RPP40: variants seen among roughly 807,000 people sequenced by gnomAD.
RPP40 encodes the protein ribonuclease P protein subunit p40.
A neutral mutation model predicts 42.5 loss-of-function variants in RPP40; 30 were observed. That is an observed-to-expected ratio of 0.71 (90% CI 0.53 to 0.96). RPP40 has a LOEUF of 0.96. Among genes scored for constraint, RPP40 ranks in the 40% least tolerant of loss-of-function variants. The probability of loss-of-function intolerance (pLI) is 0.00; values close to 1 mark genes in which losing one functional copy is unlikely to be tolerated. For synonymous variants in RPP40, 173 were observed against 164.0 expected (o/e 1.05, Z -0.42); for missense variants, 426 against 433.5 (o/e 0.98, Z 0.15).
chr6:5,002,577 C>A, intron 1 of RPP40, among the ~76,000 whole-genome samples: 1 of 152,116 alleles, frequency 6.6e-6, no homozygotes, highest in Non-Finnish European at 1.5e-5. Context: ...ATTTTATTTT[C>A]AAGGAAATAT....
In RPP40 at chr6:5,000,654, A is replaced by C. The variant is rs1252344169; in HGVS notation, c.269-23T>G. ...AACCTGGAAGAGAAAGTACAGAGGAAAAATTTAAAACAAGAAATTACACCT... is the reference window on the plus strand; with the variant it reads ...AACCTGGAAGAGAAAGTACAGAGGACAAATTTAAAACAAGAAATTACACCT... On this transcript the variant is annotated intron_variant, in intron 2 of 7. Coordinates refer to ENST00000380051, the MANE Select transcript of RPP40 (RefSeq NM_006638.4). 7 of 1,442,436 alleles carry C rather than the reference A, an allele frequency of 4.9e-6. No homozygotes were observed. The South Asian group carries it at 7.1e-5, about 15-fold the overall frequency. 89.4% of individuals were successfully genotyped at this position (1,442,436 alleles called of 1,614,324 possible). A position where few individuals can be genotyped will look rare whatever the true frequency, so the allele number is the denominator to read the frequency against.
At chr6:4,995,308 T>C in intron 7 of RPP40, 32 bp from the exon 8 acceptor site, 1 of 1,505,092 alleles carries the variant, frequency 6.6e-7, no homozygotes, top group Non-Finnish European at 9.2e-7. Flanking sequence ...AACAGAGTTT[T>C]AAAAGAGAGT....
Position 4,998,722 on chromosome 6 carries a change from T to C in RPP40, c.553A>G (p.Lys185Glu). ...CATAATTTATTCCTCATACCTGTTT[T>C]ATGCCAAGCCAAAAGAAAATCAAAT... ...LKFDFLLAWH[K>E]TGSEESTMMS... The change falls in exon 5 of 8, where the codon AAA (lysine) becomes GAA (glutamate). Residue 185 changes from lysine to glutamate, a missense_variant. By Grantham distance (56) the Lys-to-Glu change is moderately conservative (BLOSUM62 1). Coordinates refer to ENST00000380051, the MANE Select transcript of RPP40 (RefSeq NM_006638.4). The C allele has an allele frequency of 1.3e-6, 2 of 1,547,312 alleles. No individual in the cohort carries two copies. The highest frequency in any genetic ancestry group is 2.0e-5 in the Admixed American group (1 of 49,994).
At chr6:5,002,676 T>C (rs929044664) in intron 1 of RPP40, among the ~76,000 whole-genome samples, 5 of 152,270 alleles carry the variant, frequency 3.3e-5, no homozygotes, top group African/African-American at 4.8e-5. Context: ...AATTAATTTA[T>C]GGACATCCAA....
At chr6:5,003,830 G>T (rs748663352) in intron 1 of RPP40, 50 bp downstream of exon 1, 1 of 1,573,230 alleles carries the variant, frequency 6.4e-7, no homozygotes, top group East Asian at 2.3e-5. Context: ...AACCTCTCTC[G>T]CACGCGGGGA....
intron 2 of RPP40, 77 bp downstream of exon 2, chr6:5,002,024 C>T: frequency 7.6e-7 from 1 of 1,312,034 alleles, no homozygotes. Context: ...AACAAAACAA[C>T]AGCCCTAGCA....
chr6:5,003,577 TG>T, intron 1 of RPP40: 1 of 280,482 alleles, frequency 3.6e-6, no homozygotes, highest in Non-Finnish European at 6.7e-6. Flanking sequence ...AATCCCTCCC[TG>T]GACTCACTCC....
rs1324028398 is a variant in RPP40 at position 4,999,971 on chromosome 6, A to T, written c.338-67T>A. The T allele has an allele frequency of 5.3e-6, 5 of 943,154 alleles. No homozygotes were observed. The African/African-American group carries it at 8.2e-5, about 16-fold the overall frequency. 58.4% of individuals were successfully genotyped at this position (943,154 alleles called of 1,614,324 possible). A position where few individuals can be genotyped will look rare whatever the true frequency, so the allele number is the denominator to read the frequency against. On this transcript the variant is annotated intron_variant, in intron 3 of 7. Transcript: ENST00000380051. ...AACTTACGTTGTCTGACTAAAAGAA[A>T]GCAAGGCAAATTGAGCAGTTAGATA...
intron 5 of RPP40, among the ~76,000 whole-genome samples, chr6:4,997,514 T>C (rs933255651): frequency 3.9e-5 from 6 of 152,362 alleles, no homozygotes; most frequent in Middle Eastern, 3.4e-3. Flanking sequence ...TCTTCTTTCC[T>C]GATTCTCAGG....
intron 1 of RPP40, chr6:5,003,659 GC>G (rs950646443): frequency 5.9e-6 from 3 of 505,694 alleles, no homozygotes; most frequent in Non-Finnish European, 3.3e-6. Context: ...ACTGGGTACC[GC>G]CCCCACGCCC....
the RPP40 span, among the ~76,000 whole-genome samples, chr6:4,988,492 C>A: frequency 6.6e-6 from 1 of 152,208 alleles, no homozygotes; most frequent in African/African-American, 2.4e-5. Context: ...CCACCCCCAA[C>A]ATCCCTAATC....
chr6:5,003,246 C>T (rs1759624325), intron 1 of RPP40, among the ~76,000 whole-genome samples: 1 of 146,032 alleles, frequency 6.8e-6, no homozygotes, highest in African/African-American at 2.5e-5. Flanking sequence ...ACACGGGAGG[C>T]TGAGGCAGGA....
At chr6:4,995,801 T>C (rs1759357930) in intron 7 of RPP40, 150 bp downstream of exon 7, 2 of 636,984 alleles carry the variant, frequency 3.1e-6, no homozygotes, top group African/African-American at 1.8e-5. Context: ...AGGATTATAC[T>C]CAATGTACGG....
At chr6:5,000,684 G>T in intron 2 of RPP40, 53 bp from the exon 3 acceptor site, 2 of 1,047,680 alleles carry the variant, frequency 1.9e-6, no homozygotes, top group Non-Finnish European at 1.5e-6. Flanking sequence ...ACACCTGCAA[G>T]ATGTTAGTGG....
At position 5,000,722 on chromosome 6, in the gene RPP40, C is replaced by T. The variant is rs149993815; in HGVS notation, c.269-91G>A. On this transcript the variant is annotated intron_variant, in intron 2 of 7. Coordinates refer to ENST00000380051, the MANE Select transcript of RPP40 (RefSeq NM_006638.4). Reference sequence around the variant, plus strand: ...TATTTTTACAAGATAACCAGTCTTCCGGGTCATTAAAGGTCAGTTTCTACC... The same window carrying T: ...TATTTTTACAAGATAACCAGTCTTCTGGGTCATTAAAGGTCAGTTTCTACC... 2.8e-5 allele frequency: 24 copies of T among 854,056 alleles called. No homozygotes were observed. The East Asian group carries it at 3.3e-4, about 12-fold the overall frequency. The allele number at this position is 854,056 out of a possible 1,614,324, so 52.9% of individuals were successfully genotyped here.
intron 1 of RPP40, 133 bp downstream of exon 1, chr6:5,003,747 C>G (rs3762008): frequency 8.4e-7 from 1 of 1,193,220 alleles, no homozygotes; most frequent in Non-Finnish European, 1.1e-6. Flanking sequence ...CAACTCCCAG[C>G]AAGCCGGGCG....
chr6:4,996,396 G>T lies in RPP40; in HGVS notation c.584C>A (p.Ser195Ter). ...CTGAATTTGGTACTTGGAAAAATATGACATCATTGTCGATTCTTCTGAACC... is the reference window on the plus strand; with the variant it reads ...CTGAATTTGGTACTTGGAAAAATATTACATCATTGTCGATTCTTCTGAACC... ...KTGSEESTMMSYFSKYQIQEH... is the reference protein window; with the variant it reads ...KTGSEESTMM Residue 195 changes from serine to a stop codon, truncating the protein, a stop_gained, in exon 6 of 8, where the codon TCA becomes TAA. Transcript: ENST00000380051. LOFTEE classifies it high-confidence loss of function. 6.2e-7 allele frequency: 1 copy of T among 1,613,452 alleles called. No individual in the cohort carries two copies. The highest frequency in any genetic ancestry group is 1.1e-5 in the South Asian group (1 of 91,032).
At chr6:5,001,134 G>C (rs1759545578) in intron 2 of RPP40, 1 of 456,618 alleles carries the variant, frequency 2.2e-6, no homozygotes, top group African/African-American at 2.0e-5. Flanking sequence ...TAGAATTCTA[G>C]ATAAACATAC....
rs761916689 is a variant in RPP40 at position 4,998,786 on chromosome 6, T to C, written c.489A>G (p.Glu163=). The change falls in exon 5 of 8, where the codon GAA becomes GAG. Residue 163 remains glutamate, a synonymous_variant. Coordinates refer to ENST00000380051, the MANE Select transcript of RPP40 (RefSeq NM_006638.4). The part of the protein sequence containing the change: ...LSLNLDSKKY[E]RISWSFKEKK... The stretch of plus-strand genomic sequence containing the variant: ...TTTCTTTGAAAGACCAAGATATTCT[T>C]TCATACTTCTTAGAATCCAAGTTTA... The C allele has an allele frequency of 6.6e-7, 1 of 1,520,820 alleles. No homozygotes were observed. 94.2% of individuals were successfully genotyped at this position (1,520,820 alleles called of 1,614,324 possible).
Sources: gnomAD v4.1 joint callset for allele counts (sites outside exome capture counted in the v4.1 genomes callset) on GRCh38, gnomAD v4.1.1 for gene constraint, MANE v1.5 for transcripts, NCBI Gene and HGNC (gene_info 2026-07-23, HGNC 2026-07-21) for gene names.